The following USP31 variants were observed in gnomAD, a reference collection of about 807,000 sequenced individuals.
The protein encoded by USP31 is ubiquitin specific peptidase 31, also known as ubiquitin carboxyl-terminal hydrolase 31.
A neutral mutation model predicts 119.4 loss-of-function variants in USP31; 44 were observed. The observed-to-expected ratio is 0.37, with a 90% CI of 0.29 to 0.47. USP31 has a LOEUF of 0.47. Among genes scored for constraint, USP31 ranks in the 20% least tolerant of loss-of-function variants. The probability of loss-of-function intolerance (pLI) is 0.99; values close to 1 mark genes in which losing one functional copy is unlikely to be tolerated. For synonymous variants in USP31, 749 were observed against 705.6 expected, an observed-to-expected ratio of 1.06 and a Z score of -0.97; for missense variants, 1,643 against 1,730.2, an observed-to-expected ratio of 0.95 and a Z score of 0.89.
intron 1 of USP31, 131 bp from the exon 2 acceptor site, chr16:23,108,314 A>T: frequency 3.2e-6 from 4 of 1,259,278 alleles, no homozygotes; most frequent in Non-Finnish European, 4.2e-6. Context: ...AGGAGTGCAA[A>T]GTAAAAACAG....
chr16:23,075,297 T>C (rs917482723), intron 13 of USP31, among the ~76,000 whole-genome samples: 3 of 151,594 alleles, frequency 2.0e-5, no homozygotes, highest in Admixed American at 6.6e-5. Flanking sequence ...TCTTCTGGAG[T>C]GGTGAGTGGG....
intron 7 of USP31, among the ~76,000 whole-genome samples, chr16:23,088,402 G>A (rs1052221362): frequency 6.6e-6 from 1 of 152,140 alleles, no homozygotes; most frequent in African/African-American, 2.4e-5. Context: ...CCCAAGTCCA[G>A]CCCCCGGAGA....
At chr16:23,106,524 A>C in intron 2 of USP31, 37 bp from the exon 3 acceptor site, 3 of 1,557,852 alleles carry the variant, frequency 1.9e-6, no homozygotes, top group Non-Finnish European at 2.6e-6. Flanking sequence ...ACAGACTAGA[A>C]AGACCAATTC....
chr16:23,075,470 A>C (rs1305683290), intron 13 of USP31, among the ~76,000 whole-genome samples: 1 of 152,240 alleles, frequency 6.6e-6, no homozygotes, highest in East Asian at 1.9e-4. Flanking sequence ...TTTTCTTCCT[A>C]GAACTACTTT....
At position 23,079,882 on chromosome 16, in the gene USP31, T is replaced by C. The variant is rs1347827751; in HGVS notation, c.2176+64A>G. The C allele has an allele frequency of 2.1e-6, 3 of 1,439,786 alleles. No individual in the cohort carries two copies. In the African/African-American group the frequency reaches 4.4e-5, roughly 21 times the overall value. 89.2% of individuals were successfully genotyped at this position (1,439,786 alleles called of 1,614,324 possible). A position where few individuals can be genotyped will look rare whatever the true frequency, so the allele number is the denominator to read the frequency against. ...ATGAGGCTCTAAAGTCAAGTCACCCTGCCACAAGCAAACCCGTCTGAAGGA... is the reference window on the plus strand; with the variant it reads ...ATGAGGCTCTAAAGTCAAGTCACCCCGCCACAAGCAAACCCGTCTGAAGGA... On this transcript the variant is annotated intron_variant, in intron 13 of 15. Transcript: ENST00000219689.
chr16:23,105,466 A>G lies in USP31; in HGVS notation c.1064T>C (p.Met355Thr), dbSNP rs1902056059. The G allele has an allele frequency of 6.2e-6, 10 of 1,614,094 alleles. No individual in the cohort carries two copies. Among genetic ancestry groups the G allele is most frequent in the Middle Eastern group, 1.7e-4 (1 of 6,048 alleles). The change falls in exon 5 of 16, where the codon ATG (methionine) becomes ACG (threonine). Residue 355 changes from methionine (M) to threonine (T), a missense_variant. This residue lies in a region of USP31 where 144 missense variants were observed against 218.0 expected (regional missense o/e 0.66). Transcript: ENST00000219689. ...CTGATCAGTGGGGATCTTTGTTTCCATAGACACTGCTTCCCGAAGTCTGGC... is the reference window on the plus strand; with the variant it reads ...CTGATCAGTGGGGATCTTTGTTTCCGTAGACACTGCTTCCCGAAGTCTGGC... ...TVARLREAVS[M>T]ETKIPTDQIV...
At chr16:23,136,007 A>C (rs1301154067) in intron 1 of USP31, among the ~76,000 whole-genome samples, 1 of 152,200 alleles carries the variant, frequency 6.6e-6, no homozygotes, top group Non-Finnish European at 1.5e-5. Context: ...CGGACATATA[A>C]ATCAATGGAA....
At chr16:23,106,149 G>A in intron 4 of USP31, 64 bp downstream of exon 4, 2 of 1,558,846 alleles carry the variant, frequency 1.3e-6, no homozygotes, top group Middle Eastern at 1.8e-4. Context: ...CCTAATAGGA[G>A]CCTACAGAGG....
intron 6 of USP31, among the ~76,000 whole-genome samples, chr16:23,099,450 C>T (rs978209341): frequency 2.6e-5 from 4 of 152,054 alleles, no homozygotes; most frequent in Non-Finnish European, 4.4e-5. Context: ...ACCATTTGAC[C>T]CAGCAATCCC....
At position 23,067,111 on chromosome 16, in the gene USP31, T is replaced by C. The variant is rs187051878; in HGVS notation, c.*935A>G. The C allele has an allele frequency of 2.0e-5, 3 of 152,618 alleles. No homozygotes were observed. Among genetic ancestry groups the C allele is most frequent in the East Asian group, 3.9e-4 (2 of 5,194 alleles). 9.5% of individuals were successfully genotyped at this position (152,618 alleles called of 1,614,324 possible). Reference sequence around the variant, plus strand: ...ATGCAACACCTGACAAGGAAAATGATGTCCAGTCTTTCACCCAGTTTAGAA... The same window carrying C: ...ATGCAACACCTGACAAGGAAAATGACGTCCAGTCTTTCACCCAGTTTAGAA... On this transcript the variant is annotated 3_prime_UTR_variant, in exon 16 of 16. Coordinates refer to ENST00000219689, the MANE Select transcript of USP31 (RefSeq NM_020718.4).
At chr16:23,128,439 A>T (rs997176008) in intron 1 of USP31, among the ~76,000 whole-genome samples, 1 of 152,216 alleles carries the variant, frequency 6.6e-6, no homozygotes, top group African/African-American at 2.4e-5. Flanking sequence ...TACATCAAAT[A>T]TGCTTAAACC....
chr16:23,096,558 C>T (rs1380399197), intron 6 of USP31, among the ~76,000 whole-genome samples: 2 of 152,176 alleles, frequency 1.3e-5, no homozygotes, highest in South Asian at 2.1e-4. Flanking sequence ...AGCACCACAT[C>T]GCACTTATTC....
At chr16:23,146,401 G>A (rs1596742498) in intron 1 of USP31, among the ~76,000 whole-genome samples, 1 of 152,168 alleles carries the variant, frequency 6.6e-6, no homozygotes, top group East Asian at 1.9e-4. Context: ...GCGGGCGCCT[G>A]TAGTCCCAGC....
intron 11 of USP31, among the ~76,000 whole-genome samples, chr16:23,083,341 T>C (rs1291611879): frequency 6.6e-6 from 1 of 152,166 alleles, no homozygotes; most frequent in Non-Finnish European, 1.5e-5. Context: ...CTTTATTTAC[T>C]TGTTCCACTA....
intron 12 of USP31, among the ~76,000 whole-genome samples, chr16:23,081,629 G>A (rs545746673): frequency 6.6e-6 from 1 of 152,288 alleles, no homozygotes; most frequent in East Asian, 1.9e-4. Context: ...ATTTAGTAAG[G>A]TTGCTTCTCT....
intron 6 of USP31, among the ~76,000 whole-genome samples, chr16:23,094,535 A>G (rs1381920222): frequency 6.6e-6 from 1 of 152,186 alleles, no homozygotes; most frequent in African/African-American, 2.4e-5. Context: ...GAATGGACAG[A>G]CTGCCTCCTC....
chr16:23,139,460 G>A (rs750598170), intron 1 of USP31, among the ~76,000 whole-genome samples: 3 of 152,212 alleles, frequency 2.0e-5, no homozygotes, highest in Non-Finnish European at 2.9e-5. Context: ...GCTCTACGCT[G>A]TATTCAGCGC....
At chr16:23,146,682 T>G (rs1042390965) in intron 1 of USP31, among the ~76,000 whole-genome samples, 1 of 152,056 alleles carries the variant, frequency 6.6e-6, no homozygotes, top group Non-Finnish European at 1.5e-5. Context: ...AAGATGTAAG[T>G]AAAAAGTATT....
At chr16:23,092,557 GCAGGTAA>G (rs1901413530) in intron 6 of USP31, among the ~76,000 whole-genome samples, 2 of 152,170 alleles carry the variant, frequency 1.3e-5, no homozygotes, top group African/African-American at 4.8e-5. Context: ...CAGCCAGCCT[GCAGGTAA>G]AGGGAGTGAG....
Sources: allele counts gnomAD v4.1 joint callset (sites outside exome capture counted in the v4.1 genomes callset), GRCh38; gene constraint gnomAD v4.1.1; regional missense constraint gnomAD v4.1.1; transcripts MANE v1.5; gene names NCBI Gene and HGNC (gene_info 2026-07-23, HGNC 2026-07-21).